Variants in AGAP1 observed in about 807,000 individuals in gnomAD.
AGAP1 encodes the protein ArfGAP with GTPase domain, ankyrin repeat and PH domain 1.
AGAP1 carries 29 observed loss-of-function variants against 105.3 expected under a neutral mutation model. That is an observed-to-expected ratio of 0.28 (90% CI 0.21 to 0.38). The LOEUF (loss-of-function observed/expected upper bound fraction) is 0.38. Ranked by LOEUF, AGAP1 falls within the 10% of genes least tolerant of loss-of-function variation. The pLI is 1.00. For synonymous variants in AGAP1, 509 were observed against 485.9 expected, an observed-to-expected ratio of 1.05 and a Z score of -0.63; for missense variants, 998 against 1,165.1, an observed-to-expected ratio of 0.86 and a Z score of 2.09.
At position 235,842,024 on chromosome 2, in the gene AGAP1, T is replaced by G. The variant is rs1960915043; in HGVS notation, c.1050+34693T>G. Among the ~76,000 whole-genome samples, 1 of 152,178 alleles carries G rather than the reference T, an allele frequency of 6.6e-6. No individual in the cohort carries two copies. The highest frequency in any genetic ancestry group is 2.4e-5 in the African/African-American group (1 of 41,448). On this transcript the variant is annotated intron_variant, in intron 9 of 17. Transcript: ENST00000304032. This position sits in a 1 kb window ranked among gnomAD's most constrained non-coding sequence, Gnocchi z 5.3. ...CCACTCCATGCAGACGCTGGGATAC[T>G]AAGGTTTTCACCTGCTGCTTCCTGC...
intron 9 of AGAP1, among the ~76,000 whole-genome samples, chr2:235,841,937 C>A (rs767565430): frequency 6.6e-6 from 1 of 152,208 alleles, no homozygotes; most frequent in East Asian, 1.9e-4. Flanking sequence ...CTTCCCTACA[C>A]GCTCATTAGT....
At position 235,719,228 on chromosome 2, in the gene AGAP1, G is replaced by A. The variant is rs567015323; in HGVS notation, c.310+1584G>A. Among the ~76,000 whole-genome samples the A allele has an allele frequency of 6.6e-6, 1 of 152,318 alleles. No individual in the cohort carries two copies. Among genetic ancestry groups the A allele is most frequent in the Non-Finnish European group, 1.5e-5 (1 of 68,032 alleles). On this transcript the variant is annotated intron_variant, in intron 3 of 17. Coordinates refer to ENST00000304032, the MANE Select transcript of AGAP1 (RefSeq NM_001037131.3). This position sits in a 1 kb window ranked among gnomAD's most constrained non-coding sequence, Gnocchi z 4.9. ...CAGTCTCTGGCCCTGGGGTTCAGGT[G>A]TCTGGTGGGGCAGCGCTGGAGGCCC...
At chr2:235,806,882 A>G (rs1168021102) in intron 8 of AGAP1, among the ~76,000 whole-genome samples, 1 of 152,250 alleles carries the variant, frequency 6.6e-6, no homozygotes, top group Non-Finnish European at 1.5e-5. Context: ...AACATTGAGC[A>G]GCCCCTTTTT....
chr2:236,092,888 A>G lies in AGAP1; in HGVS notation c.2115-27304A>G, dbSNP rs2125876059. Among the ~76,000 whole-genome samples, 1 of 152,374 alleles carries G rather than the reference A, an allele frequency of 6.6e-6. No homozygotes were observed. Among genetic ancestry groups the G allele is most frequent in the Admixed American group, 6.5e-5 (1 of 15,306 alleles). ...TCCTGCTGTGCCAGAAAGAAAGCAC[A>G]GAGCTACCAGGGACCAGGGCAGATG... On this transcript the variant is annotated intron_variant, in intron 16 of 17. Transcript: ENST00000304032. This position sits in a 1 kb window ranked among gnomAD's most constrained non-coding sequence, Gnocchi z 4.7.
At chr2:236,059,013 G>C (rs900915021) in intron 16 of AGAP1, among the ~76,000 whole-genome samples, 7 of 152,200 alleles carry the variant, frequency 4.6e-5, no homozygotes, top group African/African-American at 1.7e-4. Flanking sequence ...CTGGGGAACA[G>C]AGCAAGACTC....
Position 235,901,925 on chromosome 2 carries a change from CA to C in AGAP1, c.1156-6812del, listed in dbSNP as rs2051084932. ...GGAGGGACCCCAAAGAGCTTTTGTTCATATGGATTTTGTCTATTGATATTCA... is the reference window on the plus strand; with the variant it reads ...GGAGGGACCCCAAAGAGCTTTTGTTCTATGGATTTTGTCTATTGATATTCA... On this transcript the variant is annotated intron_variant, in intron 10 of 17. Coordinates refer to ENST00000304032, the MANE Select transcript of AGAP1 (RefSeq NM_001037131.3). The surrounding 1 kb of genome is among the most constrained non-coding windows in gnomAD (Gnocchi z 4.3). 6.6e-6 allele frequency among the ~76,000 whole-genome samples: 1 copy of C among 151,160 alleles called. No individual in the cohort carries two copies. The highest frequency in any genetic ancestry group is 1.5e-5 in the Non-Finnish European group (1 of 67,922).
At chr2:235,915,347 T>C (rs1193734224) in intron 11 of AGAP1, among the ~76,000 whole-genome samples, 7 of 152,214 alleles carry the variant, frequency 4.6e-5, no homozygotes, top group Admixed American at 6.5e-5. Context: ...AATACGTTAG[T>C]TATTAATGAT....
chr2:235,863,262 A>AACC (rs1029930327), intron 9 of AGAP1, among the ~76,000 whole-genome samples: 1 of 152,270 alleles, frequency 6.6e-6, no homozygotes, highest in African/African-American at 2.4e-5. Flanking sequence ...ACACAGTGCC[A>AACC]ACCACAATGT....
rs756660679 is a variant in AGAP1, at chr2:235,670,907, G to A, written c.164-38272G>A. 3.6e-5 allele frequency: 48 copies of A among 1,342,340 alleles called. No homozygotes were observed. In the South Asian group the frequency reaches 8.7e-4, roughly 24 times the overall value. 83.2% of individuals were successfully genotyped at this position (1,342,340 alleles called of 1,614,324 possible). The stretch of plus-strand genomic sequence containing the variant: ...GCACCGGCTGCTGCGCTTCTTCAGC[G>A]GCATCTTCGCGCGCAGGGACGGGGG... On this transcript the variant is annotated intron_variant, in intron 1 of 17. Coordinates refer to ENST00000304032, the MANE Select transcript of AGAP1 (RefSeq NM_001037131.3).
chr2:235,879,912 C>G lies in AGAP1; in HGVS notation c.1051-3433C>G, dbSNP rs1275490780. ...TTGCATCAGTACACTGCACTCCAAC[C>G]TGGGCAACAGAGCGAGACCTTATCT... On this transcript the variant is annotated intron_variant, in intron 9 of 17. Coordinates refer to ENST00000304032, the MANE Select transcript of AGAP1 (RefSeq NM_001037131.3). The surrounding 1 kb of genome is among the most constrained non-coding windows in gnomAD (Gnocchi z 5.0). Among the ~76,000 whole-genome samples, 2 of 152,096 alleles carry G rather than the reference C, an allele frequency of 1.3e-5. No individual in the cohort carries two copies. Among genetic ancestry groups the G allele is most frequent in the Non-Finnish European group, 2.9e-5 (2 of 68,024 alleles).
chr2:235,736,390 C>A lies in AGAP1; in HGVS notation c.311-4573C>A, dbSNP rs748312113. Among the ~76,000 whole-genome samples, 1 of 152,100 alleles carries A rather than the reference C, an allele frequency of 6.6e-6. No homozygotes were observed. Among genetic ancestry groups the A allele is most frequent in the Non-Finnish European group, 1.5e-5 (1 of 68,030 alleles). ...TTTAATCGTACGTCATCATAATTGG[C>A]AGCAGAGAAGGTTGCACATCACTCA... On this transcript the variant is annotated intron_variant, in intron 3 of 17. Transcript: ENST00000304032. The surrounding 1 kb of genome is among the most constrained non-coding windows in gnomAD (Gnocchi z 5.5).
Position 235,691,262 on chromosome 2 carries a change from C to T in AGAP1, c.164-17917C>T, listed in dbSNP as rs1427583613. ...ATGCGCATAGGGCTCTGTGCCTGGC[C>T]CCAGGACTGTCATATCCAGGGAAAG... On this transcript the variant is annotated intron_variant, in intron 1 of 17. Coordinates refer to ENST00000304032, the MANE Select transcript of AGAP1 (RefSeq NM_001037131.3). This position sits in a 1 kb window ranked among gnomAD's most constrained non-coding sequence, Gnocchi z 4.4. 6.6e-6 allele frequency among the ~76,000 whole-genome samples: 1 copy of T among 152,122 alleles called. No homozygotes were observed. The highest frequency in any genetic ancestry group is 6.5e-5 in the Admixed American group (1 of 15,282).
In AGAP1 at chr2:235,665,609, A is replaced by G. The variant is rs2149345733; in HGVS notation, c.164-43570A>G. 6.6e-6 allele frequency among the ~76,000 whole-genome samples: 1 copy of G among 152,294 alleles called. No homozygotes were observed. Among genetic ancestry groups the G allele is most frequent in the Non-Finnish European group, 1.5e-5 (1 of 68,026 alleles). Reference sequence around the variant, plus strand: ...TTTGAGTCTTATGCTAAAAATATAAAAGTATTAATAAGACGTTACTGTCTT... The same window carrying G: ...TTTGAGTCTTATGCTAAAAATATAAGAGTATTAATAAGACGTTACTGTCTT... On this transcript the variant is annotated intron_variant, in intron 1 of 17. Transcript: ENST00000304032. The surrounding 1 kb of genome is among the most constrained non-coding windows in gnomAD (Gnocchi z 5.3).
intron 5 of AGAP1, among the ~76,000 whole-genome samples, chr2:235,749,803 G>T (rs530821962): frequency 2.0e-5 from 3 of 152,246 alleles, no homozygotes; most frequent in African/African-American, 7.2e-5. Context: ...TTTCTTTTCT[G>T]CTTGCCTCTC....
Position 235,798,870 on chromosome 2 carries a change from CAA to C in AGAP1, c.802-474_802-473del, listed in dbSNP as rs1041317180. Among the ~76,000 whole-genome samples, 90 of 49,010 alleles carry C rather than the reference CAA, an allele frequency of 1.8e-3. No individual in the cohort carries two copies. In the East Asian group the frequency reaches 0.032, roughly 18 times the overall value. 32.2% of individuals were successfully genotyped at this position (49,010 alleles called of 152,430 possible). On this transcript the variant is annotated intron_variant, in intron 7 of 17. Transcript: ENST00000304032. ...TGGGTGACAGAGTGAGACCCTGTCT[CAA>C]AAAAAAAAAAAAAAAAAAAAAAGAA... is the stretch of plus-strand genomic sequence containing the variant.
At chr2:235,592,720 A>C (rs1386896781) in intron 1 of AGAP1, among the ~76,000 whole-genome samples, 1 of 152,072 alleles carries the variant, frequency 6.6e-6, no homozygotes, top group Non-Finnish European at 1.5e-5. Context: ...CATCTTAGTT[A>C]TGGTGTCAGT....
At chr2:235,829,622 A>AT (rs1345889031) in intron 9 of AGAP1, among the ~76,000 whole-genome samples, 2 of 152,170 alleles carry the variant, frequency 1.3e-5, no homozygotes, top group Admixed American at 6.5e-5. Flanking sequence ...TTGCGAAGAG[A>AT]TTTTTTATAA....
rs572099004 is a variant in AGAP1 at position 235,818,027 on chromosome 2, C to T, written c.1050+10696C>T. Among the ~76,000 whole-genome samples, 10 of 152,318 alleles carry T rather than the reference C, an allele frequency of 6.6e-5. No individual in the cohort carries two copies. In the East Asian group the frequency reaches 7.7e-4, roughly 12 times the overall value. ...CAAAATACTATTAACATCTTAGGGCCGTCCCAAGTCTAGTCCTCCTGGTTC... is the reference window on the plus strand; with the variant it reads ...CAAAATACTATTAACATCTTAGGGCTGTCCCAAGTCTAGTCCTCCTGGTTC... On this transcript the variant is annotated intron_variant, in intron 9 of 17. Transcript: ENST00000304032.
At chr2:235,671,096 C>A in intron 1 of AGAP1, 3 of 1,253,986 alleles carry the variant, frequency 2.4e-6, no homozygotes, top group Non-Finnish European at 3.0e-6. Context: ...CGGGAAGGGG[C>A]GTGGTGGGGA....
Sources: gnomAD v4.1 joint callset for allele counts (sites outside exome capture counted in the v4.1 genomes callset) on GRCh38, gnomAD v4.1.1 for gene constraint, Gnocchi (gnomAD v3.1) non-coding constraint, MANE v1.5 for transcripts, NCBI Gene and HGNC (gene_info 2026-07-23, HGNC 2026-07-21) for gene names.